The following SHOC1 variants were observed in gnomAD, a reference collection of about 807,000 sequenced individuals.
SHOC1 encodes shortage in chiasmata 1.
In SHOC1, 136 loss-of-function variants were observed where a neutral mutation model predicts 179.2. The observed-to-expected ratio is 0.76, with a 90% CI of 0.66 to 0.87. The LOEUF (loss-of-function observed/expected upper bound fraction) is 0.87. Among genes scored for constraint, SHOC1 ranks in the 40% least tolerant of loss-of-function variants. The pLI, the probability that SHOC1 is intolerant of heterozygous loss-of-function variation, is 0.00. For synonymous variants in SHOC1, 489 were observed against 586.6 expected (o/e 0.83, Z 2.41); for missense variants, 1,538 against 1,700.8 (o/e 0.90, Z 1.68).
chr9:111,782,834 C>T (rs1228197079), intron 3 of SHOC1, among the ~76,000 whole-genome samples: 1 of 152,182 alleles, frequency 6.6e-6, no homozygotes, highest in Non-Finnish European at 1.5e-5. Context: ...TATCCACTTT[C>T]AGTGTATGAT....
At position 111,758,210 on chromosome 9, in the gene SHOC1, C is replaced by T. The variant is rs1364105580; in HGVS notation, c.597-15G>A. 3 of 1,387,650 alleles carry T rather than the reference C, an allele frequency of 2.2e-6. No individual in the cohort carries two copies. Among genetic ancestry groups the T allele is most frequent in the Admixed American group, 2.1e-5 (1 of 47,204 alleles). 86.0% of individuals were successfully genotyped at this position (1,387,650 alleles called of 1,614,324 possible). On this transcript the variant is annotated splice_polypyrimidine_tract_variant and intron_variant, in intron 6 of 27. Transcript: ENST00000682961. Reference sequence around the variant, plus strand: ...AGAAACATTCCCTTAAAAAAAAATACATTAATTAGTGTTTACTAAAAGCAA... The same window carrying T: ...AGAAACATTCCCTTAAAAAAAAATATATTAATTAGTGTTTACTAAAAGCAA...
intron 1 of SHOC1, among the ~76,000 whole-genome samples, chr9:111,794,377 A>G (rs946659778): frequency 2.0e-5 from 3 of 151,782 alleles, no homozygotes; most frequent in African/African-American, 7.3e-5. Flanking sequence ...TGAGGTCAGG[A>G]GTTCGAGACC....
chr9:111,708,292 T>G (rs1023238346), intron 18 of SHOC1, among the ~76,000 whole-genome samples: 2 of 152,108 alleles, frequency 1.3e-5, no homozygotes, highest in South Asian at 4.1e-4. Flanking sequence ...AACTTCCGCC[T>G]CCTGGGTTGA....
chr9:111,744,833 C>T (rs1421710673), intron 10 of SHOC1, among the ~76,000 whole-genome samples: 1 of 152,122 alleles, frequency 6.6e-6, no homozygotes, highest in Non-Finnish European at 1.5e-5. Flanking sequence ...TCTTAGAAAA[C>T]ATTAAGCTAC....
chr9:111,687,752 CTTCTTTTTTTTT>C, intron 27 of SHOC1, among the ~76,000 whole-genome samples: 1 of 116,808 alleles, frequency 8.6e-6, no homozygotes, highest in South Asian at 2.4e-4. Context: ...TTTTCTTCTT[CTTCTTTTTTTTT>C]TTCTTTTTTC....
At position 111,693,795 on chromosome 9, in the gene SHOC1, T is replaced by A. The variant is rs775747035; in HGVS notation, c.3465+4A>T. Reference sequence around the variant, plus strand: ...TATCATAGTACAGATCTCAAATAACTAACCTTTAACACTTTTTCTGGGACT... The same window carrying A: ...TATCATAGTACAGATCTCAAATAACAAACCTTTAACACTTTTTCTGGGACT... On this transcript the variant is annotated splice_donor_region_variant and intron_variant, in intron 26 of 27. Coordinates refer to ENST00000682961, the MANE Select transcript of SHOC1 (RefSeq NM_001378211.1). 1.9e-6 allele frequency: 3 copies of A among 1,595,690 alleles called. No homozygotes were observed. The East Asian group carries it at 6.7e-5, about 36-fold the overall frequency.
At position 111,703,867 on chromosome 9, in the gene SHOC1, C is replaced by A; in HGVS notation, c.2967+14G>T. On this transcript the variant is annotated intron_variant, in intron 22 of 27. Transcript: ENST00000682961. The stretch of plus-strand genomic sequence containing the variant: ...TAGTCTATTTTAGTTTATATATTTT[C>A]TACCTAGTTTTACCTGCAAAATTAT... 7.5e-7 allele frequency: 1 copy of A among 1,337,800 alleles called. No individual in the cohort carries two copies. Among genetic ancestry groups the A allele is most frequent in the South Asian group, 1.2e-5 (1 of 81,786 alleles). 82.9% of individuals were successfully genotyped at this position (1,337,800 alleles called of 1,614,324 possible).
chr9:111,756,397 G>T lies in SHOC1; in HGVS notation c.790C>A (p.Leu264Met), dbSNP rs775413606. The T allele has an allele frequency of 6.2e-7, 1 of 1,610,916 alleles. No individual in the cohort carries two copies. The highest frequency in any genetic ancestry group is 8.5e-7 in the Non-Finnish European group (1 of 1,177,648). The change falls in exon 8 of 28, where the codon CTG becomes ATG. Residue 264 changes from leucine to methionine, a missense_variant. Physicochemically the swap from Leu to Met is conservative, Grantham distance 15. Transcript: ENST00000682961. ...GGCACTGGGTTTAATAACTCCTTCA[G>T]TTCTGAGAGTGATGGAATATCAATT... ...PEIDIPSLSE[L>M]KELLNPVPEI...
rs1832701986 is a variant in SHOC1, at chr9:111,714,541, T to C, written c.2319A>G (p.Val773=). 6.2e-7 allele frequency: 1 copy of C among 1,614,024 alleles called. No individual in the cohort carries two copies. The highest frequency in any genetic ancestry group is 8.5e-7 in the Non-Finnish European group (1 of 1,179,940). ...LGDIWRQLEI[V]QFIRGKKPET... is the part of the protein sequence containing the mutation. ...CAGGCTTTTTCCCCCTAATAAACTGTACAATCTCCAGCTGTCTCCAAATGT... is the reference window on the plus strand; with the variant it reads ...CAGGCTTTTTCCCCCTAATAAACTGCACAATCTCCAGCTGTCTCCAAATGT... Residue 773 remains valine (V), a synonymous_variant, in exon 17 of 28, where the codon GTA becomes GTG. Transcript: ENST00000682961.
At chr9:111,772,698 TC>T (rs1835666414) in intron 5 of SHOC1, among the ~76,000 whole-genome samples, 1 of 152,226 alleles carries the variant, frequency 6.6e-6, no homozygotes, top group Non-Finnish European at 1.5e-5. Context: ...AAAATGATTA[TC>T]CCAACAGTGA....
chr9:111,746,120 G>T, intron 10 of SHOC1, 114 bp downstream of exon 10: 1 of 606,500 alleles, frequency 1.6e-6, no homozygotes, highest in Non-Finnish European at 2.9e-6. Flanking sequence ...CACTGTACTA[G>T]CTCTTAAATT....
chr9:111,773,854 T>C (rs1165275307), intron 5 of SHOC1, among the ~76,000 whole-genome samples: 5 of 147,636 alleles, frequency 3.4e-5, no homozygotes, highest in Non-Finnish European at 7.6e-5. Context: ...TTATAAGACA[T>C]AGCATATTTA....
chr9:111,791,485 G>T, intron 1 of SHOC1, 31 bp from the exon 2 acceptor site: 3 of 1,048,944 alleles, frequency 2.9e-6, no homozygotes, highest in South Asian at 2.3e-5. Context: ...ATTAAACACT[G>T]GTAAAATAGC....
chr9:111,748,693 C>A lies in SHOC1; in HGVS notation c.863-494G>T, dbSNP rs946085404. The stretch of plus-strand genomic sequence containing the variant: ...TTTTTCCTCACTTCCTCCTTCCTTT[C>A]CAGCTGCCTGACACATTTTACCTAT... On this transcript the variant is annotated intron_variant, in intron 8 of 27. Coordinates refer to ENST00000682961, the MANE Select transcript of SHOC1 (RefSeq NM_001378211.1). 3.3e-5 allele frequency among the ~76,000 whole-genome samples: 5 copies of A among 151,346 alleles called. No individual in the cohort carries two copies. The East Asian group carries it at 9.7e-4, about 29-fold the overall frequency.
chr9:111,737,106 T>C (rs1307257708), intron 12 of SHOC1, among the ~76,000 whole-genome samples: 1 of 152,172 alleles, frequency 6.6e-6, no homozygotes, highest in Non-Finnish European at 1.5e-5. Flanking sequence ...TTATACACTC[T>C]GGGTGGGGGA....
chr9:111,720,388 A>T (rs766666918), intron 15 of SHOC1, among the ~76,000 whole-genome samples: 22 of 152,044 alleles, frequency 1.4e-4, no homozygotes, highest in Non-Finnish European at 2.9e-4. Flanking sequence ...CTCCTCCTAC[A>T]GTTCTCTTTT....
chr9:111,777,773 G>A (rs1329310592), intron 4 of SHOC1, among the ~76,000 whole-genome samples: 1 of 151,970 alleles, frequency 6.6e-6, no homozygotes, highest in African/African-American at 2.4e-5. Context: ...TAATACCCTT[G>A]TACAGACTGA....
At chr9:111,697,786 G>A (rs1320296376) in intron 24 of SHOC1, among the ~76,000 whole-genome samples, 3 of 152,166 alleles carry the variant, frequency 2.0e-5, no homozygotes, top group Non-Finnish European at 4.4e-5. Context: ...CACAATGGTT[G>A]AACTAGTTTA....
chr9:111,691,478 T>C (rs1474697940), intron 27 of SHOC1, 73 bp downstream of exon 27: 1 of 1,425,136 alleles, frequency 7.0e-7, no homozygotes, highest in Non-Finnish European at 9.4e-7. Flanking sequence ...AAAAAAAATG[T>C]TAAATTTGGA....
Sources: gnomAD v4.1 joint callset for allele counts (sites outside exome capture counted in the v4.1 genomes callset) on GRCh38, gnomAD v4.1.1 for gene constraint, MANE v1.5 for transcripts, NCBI Gene and HGNC (gene_info 2026-07-23, HGNC 2026-07-21) for gene names.